The following ELAVL3 variants were observed in gnomAD, a reference collection of about 807,000 sequenced individuals.
The protein encoded by ELAVL3 is ELAV like RNA binding protein 3, also known as ELAV-like protein 3.
Under a neutral mutation model 34.2 loss-of-function variants are expected in ELAVL3, and 8 were observed. That is an observed-to-expected ratio of 0.23 (90% CI 0.14 to 0.42). ELAVL3 has a LOEUF of 0.42. ELAVL3 is among the 10% of genes least tolerant of loss of function. ELAVL3 has a pLI of 1.00. For missense variants in ELAVL3, 273 were observed against 518.8 expected, an observed-to-expected ratio of 0.53 and a Z score of 4.60; for synonymous variants, 209 against 222.1, an observed-to-expected ratio of 0.94 and a Z score of 0.53.
intron 3 of ELAVL3, among the ~76,000 whole-genome samples, chr19:11,464,822 C>T (rs1325438258): frequency 2.5e-5 from 3 of 119,086 alleles, no homozygotes; most frequent in Non-Finnish European, 5.2e-5. Context: ...ATGCACCACA[C>T]ACACCACACA....
In ELAVL3 at chr19:11,458,387, C is replaced by T. The variant is rs558568280; in HGVS notation, c.487+71G>A. ...CATGCCCTGGCATCTTGGTCGGTTT[C>T]CCCACGTTGGTCCCACCTGACTGCC... is the stretch of plus-strand genomic sequence containing the variant. On this transcript the variant is annotated intron_variant, in intron 4 of 6. Transcript: ENST00000359227. This position sits in a 1 kb window ranked among gnomAD's most constrained non-coding sequence, Gnocchi z 7.3. 6.2e-7 allele frequency: 1 copy of T among 1,607,952 alleles called. No homozygotes were observed. Among genetic ancestry groups the T allele is most frequent in the South Asian group, 1.1e-5 (1 of 90,394 alleles).
chr19:11,470,069 A>G (rs1014336827), intron 1 of ELAVL3, among the ~76,000 whole-genome samples: 1 of 152,096 alleles, frequency 6.6e-6, no homozygotes, highest in African/African-American at 2.4e-5. Context: ...AAATAAATAA[A>G]TAAAGCTGGG....
At chr19:11,455,076 G>A (rs1190548021) in intron 6 of ELAVL3, among the ~76,000 whole-genome samples, 199 bp from the exon 7 acceptor site, 2 of 151,954 alleles carry the variant, frequency 1.3e-5, no homozygotes, top group Non-Finnish European at 2.9e-5. Flanking sequence ...ATGGCTCACT[G>A]CAGCTTTGAC....
intron 1 of ELAVL3, among the ~76,000 whole-genome samples, chr19:11,475,925 T>C (rs1971254830): frequency 6.6e-6 from 1 of 152,094 alleles, no homozygotes; most frequent in South Asian, 2.1e-4. Flanking sequence ...CATTTACTCT[T>C]GTAAAACAGA....
chr19:11,462,248 G>T (rs942469580), intron 3 of ELAVL3, among the ~76,000 whole-genome samples: 24 of 152,024 alleles, frequency 1.6e-4, no homozygotes, highest in African/African-American at 5.8e-4. Context: ...GAGTGAATGG[G>T]GGGCAGGGTC....
chr19:11,466,408 T>C lies in ELAVL3; in HGVS notation c.230-133A>G. The C allele has an allele frequency of 9.8e-7, 1 of 1,023,206 alleles. No individual in the cohort carries two copies. The highest frequency in any genetic ancestry group is 1.5e-6 in the Non-Finnish European group (1 of 675,718). 63.4% of individuals were successfully genotyped at this position (1,023,206 alleles called of 1,614,324 possible). A position where few individuals can be genotyped will look rare whatever the true frequency, so the allele number is the denominator to read the frequency against. Reference sequence around the variant, plus strand: ...TGTTTCCAGATGACACCTTCGATGCTAGAGTCCCACCTGCCTCCATCGCTC... The same window carrying C: ...TGTTTCCAGATGACACCTTCGATGCCAGAGTCCCACCTGCCTCCATCGCTC... On this transcript the variant is annotated intron_variant, in intron 2 of 6. Coordinates refer to ENST00000359227, the MANE Select transcript of ELAVL3 (RefSeq NM_001420.4). This position sits in a 1 kb window ranked among gnomAD's most constrained non-coding sequence, Gnocchi z 5.0.
At chr19:11,464,638 C>A (rs1970974491) in intron 3 of ELAVL3, among the ~76,000 whole-genome samples, 1 of 122,716 alleles carries the variant, frequency 8.1e-6, no homozygotes, top group South Asian at 2.7e-4. Flanking sequence ...CCACACACAC[C>A]ACACATACAC....
At chr19:11,461,048 G>A (rs1040258360) in intron 3 of ELAVL3, among the ~76,000 whole-genome samples, 1 of 151,362 alleles carries the variant, frequency 6.6e-6, no homozygotes, top group African/African-American at 2.4e-5. Flanking sequence ...GTGTGGTGGT[G>A]CACACCTGTG....
chr19:11,465,334 C>CCA (rs952318960), intron 3 of ELAVL3, among the ~76,000 whole-genome samples: 6 of 148,368 alleles, frequency 4.0e-5, no homozygotes, highest in African/African-American at 1.5e-4. Flanking sequence ...TGCACACACA[C>CCA]CACACACACA....
chr19:11,470,227 C>A (rs752973127), intron 1 of ELAVL3, among the ~76,000 whole-genome samples: 1 of 151,920 alleles, frequency 6.6e-6, no homozygotes, highest in Non-Finnish European at 1.5e-5. Flanking sequence ...TGGTGGCACA[C>A]GCCTGTAATC....
chr19:11,451,829 C>G lies in ELAVL3; in HGVS notation c.*2697G>C, dbSNP rs1970648535. 1.3e-5 allele frequency: 2 copies of G among 152,002 alleles called. No individual in the cohort carries two copies. Among genetic ancestry groups the G allele is most frequent in the African/African-American group, 2.4e-5 (1 of 41,396 alleles). The allele number at this position is 152,002 out of a possible 1,614,324, so 9.4% of individuals were successfully genotyped here. ...GGGGGGGGTGTGTGGGGAGGTGCCC[C>G]CTCTCTGGAGCCTGGCCCCCCCCAG... On this transcript the variant is annotated 3_prime_UTR_variant, in exon 7 of 7. Coordinates refer to ENST00000359227, the MANE Select transcript of ELAVL3 (RefSeq NM_001420.4).
intron 3 of ELAVL3, among the ~76,000 whole-genome samples, chr19:11,460,015 G>T (rs563599297): frequency 6.6e-6 from 1 of 152,078 alleles, no homozygotes; most frequent in East Asian, 1.9e-4. Flanking sequence ...TGCACCCCTG[G>T]TGGCAACTGC....
At chr19:11,475,187 G>A (rs917458412) in intron 1 of ELAVL3, among the ~76,000 whole-genome samples, 3 of 152,168 alleles carry the variant, frequency 2.0e-5, no homozygotes, top group African/African-American at 7.2e-5. Context: ...CAGGCACTGT[G>A]GGAAATACTT....
intron 1 of ELAVL3, among the ~76,000 whole-genome samples, chr19:11,479,652 G>A (rs1230834129): frequency 2.6e-5 from 4 of 151,616 alleles, no homozygotes; most frequent in African/African-American, 4.8e-5. Context: ...GGGGCCCTGG[G>A]GGCGGGGCCT....
At position 11,480,733 on chromosome 19, in the gene ELAVL3, T is replaced by A; in HGVS notation, c.-125A>T. Reference sequence around the variant, plus strand: ...CGGCCTCTGGTGCGGCCGCTGCAGATGTGGCGATGAAGGCGGCGGCTCCCT... The same window carrying A: ...CGGCCTCTGGTGCGGCCGCTGCAGAAGTGGCGATGAAGGCGGCGGCTCCCT... On this transcript the variant is annotated 5_prime_UTR_variant, in exon 1 of 7. Transcript: ENST00000359227. The surrounding 1 kb of genome is among the most constrained non-coding windows in gnomAD (Gnocchi z 6.8). The A allele has an allele frequency of 1.1e-6, 1 of 947,718 alleles. No individual in the cohort carries two copies. Among genetic ancestry groups the A allele is most frequent in the South Asian group, 3.2e-5 (1 of 30,782 alleles). 58.7% of individuals were successfully genotyped at this position (947,718 alleles called of 1,614,324 possible).
intron 3 of ELAVL3, among the ~76,000 whole-genome samples, chr19:11,464,204 C>G (rs1158755537): frequency 8.7e-6 from 1 of 114,408 alleles, no homozygotes; most frequent in Non-Finnish European, 1.8e-5. Context: ...GCTCTGTTGC[C>G]GAGGCTGGAG....
rs1458885682 is a variant in ELAVL3 at position 11,464,635 on chromosome 19, C to T, written c.333+1537G>A. On this transcript the variant is annotated intron_variant, in intron 3 of 6. Transcript: ENST00000359227. The stretch of plus-strand genomic sequence containing the variant: ...ACACACACCACACACACACCACACA[C>T]ACCACACATACACATACATGACACA... Among the ~76,000 whole-genome samples, 245 of 142,014 alleles carry T rather than the reference C, an allele frequency of 1.7e-3. 3 individuals are homozygous for T. Among genetic ancestry groups the T allele is most frequent in the South Asian group, 0.01 (45 of 4,432 alleles). The allele number at this position is 142,014 out of a possible 152,430, so 93.2% of individuals were successfully genotyped here.
chr19:11,478,341 G>GGAC (rs1971301792), intron 1 of ELAVL3, among the ~76,000 whole-genome samples: 1 of 152,164 alleles, frequency 6.6e-6, no homozygotes, highest in African/African-American at 2.4e-5. Context: ...GAGCTTAGCG[G>GGAC]GACCAGTATC....
chr19:11,470,349 C>T (rs1409473875), intron 1 of ELAVL3, among the ~76,000 whole-genome samples: 1 of 151,832 alleles, frequency 6.6e-6, no homozygotes, highest in East Asian at 1.9e-4. Flanking sequence ...AGCGAGACCC[C>T]ATCTAAAAAT....
Sources: allele counts gnomAD v4.1 joint callset (sites outside exome capture counted in the v4.1 genomes callset), GRCh38; gene constraint gnomAD v4.1.1; non-coding constraint Gnocchi (gnomAD v3.1); transcripts MANE v1.5; gene names NCBI Gene and HGNC (gene_info 2026-07-23, HGNC 2026-07-21).